The following TMEM242 variants were observed in gnomAD, a reference collection of about 807,000 sequenced individuals.
TMEM242 encodes transmembrane protein 242.
TMEM242 carries 10 observed loss-of-function variants against 18.2 expected under a neutral mutation model. The ratio of observed to expected loss-of-function variants is 0.55; its 90% CI spans 0.34 to 0.93. The LOEUF (loss-of-function observed/expected upper bound fraction) is 0.93. TMEM242 is among the 40% of genes least tolerant of loss of function. TMEM242 has a pLI of 0.02. For synonymous variants in TMEM242, 57 were observed against 69.9 expected, an observed-to-expected ratio of 0.81 and a Z score of 0.92; for missense variants, 186 against 175.5, an observed-to-expected ratio of 1.06 and a Z score of -0.34.
rs1777681934 is a variant in TMEM242, at chr6:157,291,357, C to G, written c.*1544G>C. ...CGTTGTAACAAGGTTTGAGGGCCAT[C>G]TCATGCACGTTGGAAACCCACATTT... On this transcript the variant is annotated 3_prime_UTR_variant, in exon 4 of 4. Transcript: ENST00000400788. 1 of 152,244 alleles carries G rather than the reference C, an allele frequency of 6.6e-6. No individual in the cohort carries two copies. Among genetic ancestry groups the G allele is most frequent in the Non-Finnish European group, 1.5e-5 (1 of 68,040 alleles). 9.4% of individuals were successfully genotyped at this position (152,244 alleles called of 1,614,324 possible). A position where few individuals can be genotyped will look rare whatever the true frequency, so the allele number is the denominator to read the frequency against.
At position 157,289,993 on chromosome 6, in the gene TMEM242, C is replaced by T. The variant is rs142875565; in HGVS notation, c.*2908G>A. The stretch of plus-strand genomic sequence containing the variant: ...GTCTTCGGAGGCAGCTCCCGTCCCC[C>T]ACTTTCCACTCTCAGGTTGTCCTGA... On this transcript the variant is annotated 3_prime_UTR_variant, in exon 4 of 4. Transcript: ENST00000400788. 1 of 152,334 alleles carries T rather than the reference C, an allele frequency of 6.6e-6. No homozygotes were observed. Among genetic ancestry groups the T allele is most frequent in the African/African-American group, 2.4e-5 (1 of 41,466 alleles). 9.4% of individuals were successfully genotyped at this position (152,334 alleles called of 1,614,324 possible).
Position 157,318,684 on chromosome 6 carries a change from C to A in TMEM242, c.327+98G>T, listed in dbSNP as rs587716461. The A allele has an allele frequency of 6.0e-6, 9 of 1,491,638 alleles. No individual in the cohort carries two copies. In the South Asian group the frequency reaches 7.3e-5, roughly 12 times the overall value. 92.4% of individuals were successfully genotyped at this position (1,491,638 alleles called of 1,614,324 possible). On this transcript the variant is annotated intron_variant, in intron 3 of 3. Coordinates refer to ENST00000400788, the MANE Select transcript of TMEM242 (RefSeq NM_018452.6). Reference sequence around the variant, plus strand: ...CTGTCATCATCTCCCTAGACAGTGACCAAACTACATGCAAATAAATTTGAA... The same window carrying A: ...CTGTCATCATCTCCCTAGACAGTGAACAAACTACATGCAAATAAATTTGAA...
chr6:157,295,056 A>G lies in TMEM242; in HGVS notation c.328-2057T>C, dbSNP rs144904963. The stretch of plus-strand genomic sequence containing the variant: ...GCTGTATTATCGACATATGTGTGCT[A>G]TATTCCAAGAACAAAGCTCACATGG... On this transcript the variant is annotated intron_variant, in intron 3 of 3. Transcript: ENST00000400788. Among the ~76,000 whole-genome samples the G allele has an allele frequency of 7.8e-3, 1,192 of 152,372 alleles. 11 individuals are homozygous for G. Among genetic ancestry groups the G allele is most frequent in the African/African-American group, 0.026 (1,100 of 41,588 alleles).
At chr6:157,310,435 C>T (rs1777989475) in intron 3 of TMEM242, among the ~76,000 whole-genome samples, 1 of 152,154 alleles carries the variant, frequency 6.6e-6, no homozygotes, top group East Asian at 1.9e-4. Flanking sequence ...TCATAGTGTC[C>T]CAGTGTGCAC....
chr6:157,293,020 A>G, intron 3 of TMEM242, 21 bp from the exon 4 acceptor site: 1 of 1,579,730 alleles, frequency 6.3e-7, no homozygotes, highest in Non-Finnish European at 8.7e-7. Flanking sequence ...AAAAATAATC[A>G]GTTATCAAAT....
intron 3 of TMEM242, among the ~76,000 whole-genome samples, chr6:157,313,344 C>G (rs1554249714): frequency 1.1e-4 from 16 of 152,092 alleles, no homozygotes; most frequent in Non-Finnish European, 1.3e-4. Flanking sequence ...CATAGTGCCC[C>G]AGTGTGCGCT....
chr6:157,299,003 A>G (rs1583556735), intron 3 of TMEM242: 1 of 272,658 alleles, frequency 3.7e-6, no homozygotes, highest in East Asian at 9.6e-5. Flanking sequence ...CCCTATATCT[A>G]TGATCTCTTC....
chr6:157,306,759 C>G (rs907711138), intron 3 of TMEM242, among the ~76,000 whole-genome samples: 1 of 152,068 alleles, frequency 6.6e-6, no homozygotes, highest in Non-Finnish European at 1.5e-5. Flanking sequence ...AACAGCCAAA[C>G]TGGAATCGAG....
intron 3 of TMEM242, among the ~76,000 whole-genome samples, chr6:157,298,179 C>G (rs1229883015): frequency 1.3e-5 from 2 of 152,236 alleles, no homozygotes; most frequent in African/African-American, 2.4e-5. Flanking sequence ...CACTCTGAAG[C>G]TAAGATCCTG....
At chr6:157,319,436 A>G (rs1778458666) in intron 2 of TMEM242, among the ~76,000 whole-genome samples, 1 of 152,266 alleles carries the variant, frequency 6.6e-6, no homozygotes. Context: ...AGGATAGACT[A>G]GTTAACAAAA....
chr6:157,307,128 G>A (rs1777926739), intron 3 of TMEM242, among the ~76,000 whole-genome samples: 1 of 152,160 alleles, frequency 6.6e-6, no homozygotes, highest in Admixed American at 6.5e-5. Flanking sequence ...GCTTGAGGGG[G>A]AAGCAAATGA....
At chr6:157,297,066 C>G (rs1308989982) in intron 3 of TMEM242, among the ~76,000 whole-genome samples, 1 of 152,166 alleles carries the variant, frequency 6.6e-6, no homozygotes, top group African/African-American at 2.4e-5. Context: ...TGAGGCCAAC[C>G]ACTGATGCCA....
At chr6:157,322,625 A>G (rs1778513770) in intron 2 of TMEM242, 80 bp downstream of exon 2, 2 of 1,164,176 alleles carry the variant, frequency 1.7e-6, no homozygotes, top group Non-Finnish European at 2.5e-6. Context: ...AAGACCATCA[A>G]TATTTTATTT....
chr6:157,310,682 G>C (rs201595792), intron 3 of TMEM242, among the ~76,000 whole-genome samples: 2 of 3,788 alleles, frequency 5.3e-4, no homozygotes, highest in South Asian at 0.011. Flanking sequence ...CCCAGTGTGC[G>C]CTCACCTAGC....
In TMEM242 at chr6:157,289,984, C is replaced by A. The variant is rs1182997399; in HGVS notation, c.*2917G>T. The stretch of plus-strand genomic sequence containing the variant: ...CTGCCGGGCGTCTTCGGAGGCAGCT[C>A]CCGTCCCCCACTTTCCACTCTCAGG... On this transcript the variant is annotated 3_prime_UTR_variant, in exon 4 of 4. Transcript: ENST00000400788. 1 of 152,334 alleles carries A rather than the reference C, an allele frequency of 6.6e-6. No homozygotes were observed. Among genetic ancestry groups the A allele is most frequent in the African/African-American group, 2.4e-5 (1 of 41,464 alleles). 9.4% of individuals were successfully genotyped at this position (152,334 alleles called of 1,614,324 possible). A position where few individuals can be genotyped will look rare whatever the true frequency, so the allele number is the denominator to read the frequency against.
chr6:157,320,483 T>G (rs1778474519), intron 2 of TMEM242, among the ~76,000 whole-genome samples: 1 of 152,228 alleles, frequency 6.6e-6, no homozygotes, highest in African/African-American at 2.4e-5. Context: ...TTTATTTATA[T>G]TTTTTGAGAT....
At position 157,313,753 on chromosome 6, in the gene TMEM242, C is replaced by T. The variant is rs1423108218; in HGVS notation, c.327+5029G>A. 1.8e-3 allele frequency among the ~76,000 whole-genome samples: 9 copies of T among 5,038 alleles called. No individual in the cohort carries two copies. In the South Asian group the frequency reaches 0.045, roughly 25 times the overall value. The allele number at this position is 5,038 out of a possible 152,430, so 3.3% of individuals were successfully genotyped here. A position where few individuals can be genotyped will look rare whatever the true frequency, so the allele number is the denominator to read the frequency against. On this transcript the variant is annotated intron_variant, in intron 3 of 3. Coordinates refer to ENST00000400788, the MANE Select transcript of TMEM242 (RefSeq NM_018452.6). ...CACCCGGCCTCATCACAGTGACCCA[C>T]TGTGCGCTCACCTGGCCTAATCATA...
At chr6:157,312,155 T>C (rs1554249142) in intron 3 of TMEM242, among the ~76,000 whole-genome samples, 13 of 81,334 alleles carry the variant, frequency 1.6e-4, no homozygotes, top group Admixed American at 2.5e-4. Context: ...CTCATCATAG[T>C]GTCCCAGTGT....
chr6:157,301,573 A>G (rs1483315011), intron 3 of TMEM242, among the ~76,000 whole-genome samples: 3 of 152,136 alleles, frequency 2.0e-5, no homozygotes, highest in African/African-American at 7.2e-5. Flanking sequence ...CGGCCTCCCA[A>G]AGTGTTGGGA....
Sources: allele counts gnomAD v4.1 joint callset (sites outside exome capture counted in the v4.1 genomes callset), GRCh38; gene constraint gnomAD v4.1.1; transcripts MANE v1.5; gene names NCBI Gene and HGNC (gene_info 2026-07-23, HGNC 2026-07-21).